KCNG1: variants seen among roughly 807,000 people sequenced by gnomAD.
KCNG1 encodes the protein voltage-gated potassium channel regulatory subunit KCNG1.
KCNG1 carries 17 observed loss-of-function variants against 32.4 expected under a neutral mutation model. That is an observed-to-expected ratio of 0.52 (90% CI 0.36 to 0.79). KCNG1 has a LOEUF of 0.79. Ranked by LOEUF, KCNG1 falls within the 30% of genes least tolerant of loss-of-function variation. KCNG1 has a pLI of 0.00. For synonymous variants in KCNG1, 358 were observed against 339.9 expected (o/e 1.05, Z -0.59); for missense variants, 441 against 735.2 (o/e 0.60, Z 4.63).
At chr20:51,020,783 CTCGG>C (rs1568807218) in intron 1 of KCNG1, among the ~76,000 whole-genome samples, 10 of 152,262 alleles carry the variant, frequency 6.6e-5, no homozygotes, top group Admixed American at 5.9e-4. Flanking sequence ...AGGTGAGTTC[CTCGG>C]AGCTGGTTTG....
intron 1 of KCNG1, among the ~76,000 whole-genome samples, chr20:51,014,982 A>C (rs1334222245): frequency 6.6e-6 from 1 of 152,138 alleles, no homozygotes; most frequent in Non-Finnish European, 1.5e-5. Context: ...GGAAGCTGGG[A>C]GAAGAGGAGA....
At position 51,003,958 on chromosome 20, in the gene KCNG1, C is replaced by T; in HGVS notation, c.*81G>A. ...CGCCAGGACTGCACTCGGAAGCGGC[C>T]TGTCCCTCTCCAGGCGTCTGCAGTG... On this transcript the variant is annotated 3_prime_UTR_variant, in exon 3 of 3. Coordinates refer to ENST00000371571, the MANE Select transcript of KCNG1 (RefSeq NM_002237.4). The T allele has an allele frequency of 2.0e-6, 3 of 1,509,780 alleles. No individual in the cohort carries two copies. The highest frequency in any genetic ancestry group is 1.3e-5 in the South Asian group (1 of 79,460). 93.5% of individuals were successfully genotyped at this position (1,509,780 alleles called of 1,614,324 possible). A position where few individuals can be genotyped will look rare whatever the true frequency, so the allele number is the denominator to read the frequency against.
rs1355020410 is a variant in KCNG1, at chr20:51,004,843, G to A, written c.775-37C>T. On this transcript the variant is annotated intron_variant, in intron 2 of 2. Transcript: ENST00000371571. The surrounding 1 kb of genome is among the most constrained non-coding windows in gnomAD (Gnocchi z 4.3). The stretch of plus-strand genomic sequence containing the variant: ...GGGAAGGGACGCCGGAGGGGTCAGC[G>A]GGCCCTCCAGGAAAGGAGGGCAGAA... The A allele has an allele frequency of 1.7e-5, 25 of 1,488,532 alleles. No individual in the cohort carries two copies. Among genetic ancestry groups the A allele is most frequent in the Admixed American group, 4.6e-5 (2 of 43,814 alleles). The allele number at this position is 1,488,532 out of a possible 1,614,324, so 92.2% of individuals were successfully genotyped here.
rs537837559 is a variant in KCNG1 at position 51,009,634 on chromosome 20, G to A, written c.705C>T (p.Leu235=). The A allele has an allele frequency of 3.7e-5, 59 of 1,610,698 alleles. 1 individual carries two copies. In the East Asian group the frequency reaches 1.2e-3, roughly 34 times the overall value. Residue 235 remains leucine (L), a synonymous_variant, in exon 2 of 3, where the codon CTC becomes CTT. Coordinates refer to ENST00000371571, the MANE Select transcript of KCNG1 (RefSeq NM_002237.4). ...PGKVFACLSV[L]FVTVTAVNLS... is the part of the protein sequence containing the mutation. ...GGTTGACGGCGGTGACGGTCACGAA[G>A]AGCACCGACAGGCAGGCGAACACCT... is the stretch of plus-strand genomic sequence containing the variant.
At chr20:51,021,782 A>T (rs1241425026) in intron 1 of KCNG1, among the ~76,000 whole-genome samples, 3 of 152,214 alleles carry the variant, frequency 2.0e-5, no homozygotes, top group African/African-American at 7.2e-5. Context: ...TGAATGGACA[A>T]CCTAACTCAT....
intron 2 of KCNG1, among the ~76,000 whole-genome samples, chr20:51,007,598 A>G (rs978246416): frequency 6.6e-6 from 1 of 152,216 alleles, no homozygotes; most frequent in African/African-American, 2.4e-5. Context: ...ATGAGGGCCT[A>G]CTTCCTCCAC....
Position 51,015,268 on chromosome 20 carries a change from A to C in KCNG1, c.-26-4904T>G, listed in dbSNP as rs1445397374. On this transcript the variant is annotated intron_variant, in intron 1 of 2. Transcript: ENST00000371571. The surrounding 1 kb of genome is among the most constrained non-coding windows in gnomAD (Gnocchi z 4.4). ...GCCTGGGGGAGGGGGAAAAGAGAAG[A>C]ATCAGGATTCCAGGGGTGCCATTTA... 6.6e-6 allele frequency among the ~76,000 whole-genome samples: 1 copy of C among 152,156 alleles called. No individual in the cohort carries two copies. Among genetic ancestry groups the C allele is most frequent in the Non-Finnish European group, 1.5e-5 (1 of 68,018 alleles).
chr20:51,019,778 A>G (rs1350576879), intron 1 of KCNG1, among the ~76,000 whole-genome samples: 1 of 152,128 alleles, frequency 6.6e-6, no homozygotes, highest in Non-Finnish European at 1.5e-5. Flanking sequence ...TTTCACTGCC[A>G]GTATAGCTTC....
intron 1 of KCNG1, among the ~76,000 whole-genome samples, chr20:51,014,926 G>A (rs2123257906): frequency 6.6e-6 from 1 of 152,284 alleles, no homozygotes; most frequent in African/African-American, 2.4e-5. Flanking sequence ...ACTTGGGGGT[G>A]GGCTTGGATG....
intron 1 of KCNG1, among the ~76,000 whole-genome samples, chr20:51,021,744 A>G (rs982193243): frequency 6.6e-6 from 1 of 152,180 alleles, no homozygotes; most frequent in African/African-American, 2.4e-5. Context: ...AGTGCTTAAT[A>G]ACAGCGAGTG....
chr20:51,013,886 G>T (rs964858412), intron 1 of KCNG1: 8 of 152,166 alleles, frequency 5.3e-5, no homozygotes, highest in Non-Finnish European at 1.0e-4. Context: ...ATTCTGTTTG[G>T]CAAGAATGGT....
At chr20:51,016,732 C>T (rs1437260388) in intron 1 of KCNG1, among the ~76,000 whole-genome samples, 1 of 152,218 alleles carries the variant, frequency 6.6e-6, no homozygotes, top group East Asian at 1.9e-4. Flanking sequence ...ATGCCTGACG[C>T]TGAGTGAACC....
chr20:51,019,342 T>C (rs1207275663), intron 1 of KCNG1, among the ~76,000 whole-genome samples: 1 of 152,088 alleles, frequency 6.6e-6, no homozygotes, highest in Non-Finnish European at 1.5e-5. Flanking sequence ...TGAGACCCTG[T>C]TTCTACAATT....
chr20:51,018,648 T>C (rs887601445), intron 1 of KCNG1, among the ~76,000 whole-genome samples: 1 of 152,244 alleles, frequency 6.6e-6, no homozygotes, highest in African/African-American at 2.4e-5. Context: ...TGCCAGGTGC[T>C]GTGCTAGGAG....
rs1988540806 is a variant in KCNG1 at position 51,023,066 on chromosome 20, C to T, written c.-223G>A. On this transcript the variant is annotated 5_prime_UTR_variant, in exon 1 of 3. Transcript: ENST00000371571. ...CAGCTCCCGCCCTCGGAGCCACGGC[C>T]GCCCCGTCTCTGCCTCCCGGTCCCC... is the stretch of plus-strand genomic sequence containing the variant. 6.6e-6 allele frequency: 1 copy of T among 152,180 alleles called. No individual in the cohort carries two copies. Among genetic ancestry groups the T allele is most frequent in the Non-Finnish European group, 1.5e-5 (1 of 68,028 alleles). 9.4% of individuals were successfully genotyped at this position (152,180 alleles called of 1,614,324 possible).
intron 1 of KCNG1, among the ~76,000 whole-genome samples, chr20:51,012,941 A>T (rs992431431): frequency 1.3e-5 from 2 of 152,134 alleles, no homozygotes; most frequent in Non-Finnish European, 2.9e-5. Context: ...GATTATAGCC[A>T]CAGAGCTCTC....
intron 1 of KCNG1, among the ~76,000 whole-genome samples, chr20:51,019,730 G>A (rs1026577988): frequency 1.7e-4 from 25 of 151,336 alleles, no homozygotes; most frequent in African/African-American, 4.9e-4. Context: ...GGACCCGTCC[G>A]TCTCTCTCCA....
At chr20:51,011,648 T>C (rs1988098777) in intron 1 of KCNG1, among the ~76,000 whole-genome samples, 1 of 152,234 alleles carries the variant, frequency 6.6e-6, no homozygotes, top group Non-Finnish European at 1.5e-5. Flanking sequence ...GGCAAGTGAC[T>C]CAACCTTGAT....
chr20:51,010,859 C>T (rs139131825), intron 1 of KCNG1, among the ~76,000 whole-genome samples: 4,633 of 151,934 alleles, frequency 0.03, 188 homozygotes, highest in African/African-American at 0.092. Flanking sequence ...CATGCCACTG[C>T]ACTCCATCCT....
Sources: gnomAD v4.1 joint callset for allele counts (sites outside exome capture counted in the v4.1 genomes callset) on GRCh38, gnomAD v4.1.1 for gene constraint, Gnocchi (gnomAD v3.1) non-coding constraint, MANE v1.5 for transcripts, NCBI Gene and HGNC (gene_info 2026-07-23, HGNC 2026-07-21) for gene names.